The following UBE2N variants were observed in gnomAD, a reference collection of about 807,000 sequenced individuals.
The protein encoded by UBE2N is ubiquitin conjugating enzyme E2 N, also known as ubiquitin-conjugating enzyme E2 N.
For missense variants in UBE2N, 60 were observed against 192.1 expected, an observed-to-expected ratio of 0.31 and a Z score of 4.07; for synonymous variants, 70 against 69.2, an observed-to-expected ratio of 1.01 and a Z score of -0.06.
In UBE2N at chr12:93,430,598, A is replaced by C. The variant is rs183960360; in HGVS notation, c.30+11257T>G. On this transcript the variant is annotated intron_variant, in intron 1 of 3. Transcript: ENST00000318066. Reference sequence around the variant, plus strand: ...GAAAGCCTCTAATTAAATTACAATAAAGAGACTTCTGATTAAAAAAAACCA... The same window carrying C: ...GAAAGCCTCTAATTAAATTACAATACAGAGACTTCTGATTAAAAAAAACCA... Among the ~76,000 whole-genome samples the C allele has an allele frequency of 3.2e-3, 491 of 151,736 alleles. 5 individuals carry two copies. The highest frequency in any genetic ancestry group is 0.011 in the African/African-American group (440 of 41,338).
intron 1 of UBE2N, among the ~76,000 whole-genome samples, chr12:93,417,844 A>C: frequency 6.6e-6 from 1 of 152,176 alleles, no homozygotes; most frequent in African/African-American, 2.4e-5. Flanking sequence ...AAAAATTTAA[A>C]TAAAGAAAAA....
chr12:93,421,313 T>C (rs540854090), intron 1 of UBE2N, among the ~76,000 whole-genome samples: 5 of 152,112 alleles, frequency 3.3e-5, no homozygotes, highest in Non-Finnish European at 5.9e-5. Flanking sequence ...ACCATTCTCC[T>C]GCCTCAGCCT....
chr12:93,413,015 T>TG (rs1878074814), intron 1 of UBE2N, among the ~76,000 whole-genome samples: 1 of 152,258 alleles, frequency 6.6e-6, no homozygotes, highest in African/African-American at 2.4e-5. Flanking sequence ...GGAAAGTCTT[T>TG]GAAGAGGAAC....
intron 1 of UBE2N, among the ~76,000 whole-genome samples, chr12:93,436,415 T>C (rs1878935409): frequency 6.6e-6 from 1 of 152,210 alleles, no homozygotes; most frequent in African/African-American, 2.4e-5. Context: ...TCATGATTAA[T>C]TCTGAAAAGA....
chr12:93,416,691 C>A (rs1682133904), intron 1 of UBE2N, among the ~76,000 whole-genome samples: 1 of 151,922 alleles, frequency 6.6e-6, no homozygotes. Context: ...AGGCACCACG[C>A]CCGGCCTTAT....
intron 1 of UBE2N, among the ~76,000 whole-genome samples, chr12:93,433,091 C>T (rs1428145712): frequency 2.0e-5 from 3 of 152,024 alleles, no homozygotes; most frequent in East Asian, 3.9e-4. Context: ...CACCACCACG[C>T]CCAGCTAATT....
At chr12:93,427,274 C>T (rs1878624555) in intron 1 of UBE2N, among the ~76,000 whole-genome samples, 1 of 152,226 alleles carries the variant, frequency 6.6e-6, no homozygotes. Flanking sequence ...TTGGAAATCC[C>T]TGTTCTAAAG....
chr12:93,422,528 G>A (rs1878448109), intron 1 of UBE2N, among the ~76,000 whole-genome samples: 1 of 152,102 alleles, frequency 6.6e-6, no homozygotes, highest in Admixed American at 6.5e-5. Context: ...TTTAGGTTCT[G>A]GGAGTGGGTA....
At chr12:93,416,333 T>C (rs933238049) in intron 1 of UBE2N, among the ~76,000 whole-genome samples, 2 of 152,158 alleles carry the variant, frequency 1.3e-5, no homozygotes, top group African/African-American at 2.4e-5. Context: ...ATTCAACACA[T>C]GACTAACTAA....
intron 1 of UBE2N, among the ~76,000 whole-genome samples, chr12:93,412,735 G>A (rs1321675793): frequency 1.3e-5 from 2 of 152,164 alleles, no homozygotes; most frequent in Non-Finnish European, 2.9e-5. Flanking sequence ...AAGGTAGAGG[G>A]GAACAAAGGA....
Position 93,407,977 on chromosome 12 carries a change from AT to A in UBE2N, c.*2061del, listed in dbSNP as rs1345198378. The A allele has an allele frequency of 6.6e-6, 1 of 152,240 alleles. No individual in the cohort carries two copies. The highest frequency in any genetic ancestry group is 6.5e-5 in the Admixed American group (1 of 15,286). The allele number at this position is 152,240 out of a possible 1,614,324, so 9.4% of individuals were successfully genotyped here. A position where few individuals can be genotyped will look rare whatever the true frequency, so the allele number is the denominator to read the frequency against. The stretch of plus-strand genomic sequence containing the variant: ...ACTGCATTTGAAATGAAAATGACTT[AT>A]TTCTGTACTTCTATAACTCACAAAT... On this transcript the variant is annotated 3_prime_UTR_variant, in exon 4 of 4. Coordinates refer to ENST00000318066, the MANE Select transcript of UBE2N (RefSeq NM_003348.4).
At chr12:93,426,193 T>A (rs113150721) in intron 1 of UBE2N, among the ~76,000 whole-genome samples, 2 of 152,072 alleles carry the variant, frequency 1.3e-5, no homozygotes, top group East Asian at 3.9e-4. Context: ...GTAACTGAAA[T>A]AAGCACAAAC....
At chr12:93,429,076 C>G (rs1878675445) in intron 1 of UBE2N, among the ~76,000 whole-genome samples, 1 of 151,964 alleles carries the variant, frequency 6.6e-6, no homozygotes, top group Non-Finnish European at 1.5e-5. Context: ...TCAAGATCAG[C>G]CTGACCAACA....
chr12:93,439,114 A>G (rs1389671687), intron 1 of UBE2N, among the ~76,000 whole-genome samples: 2 of 152,264 alleles, frequency 1.3e-5, no homozygotes, highest in Non-Finnish European at 2.9e-5. Context: ...ATGCAAATCA[A>G]GCCACCTTAT....
At chr12:93,431,013 G>C (rs1294895974) in intron 1 of UBE2N, among the ~76,000 whole-genome samples, 4 of 151,328 alleles carry the variant, frequency 2.6e-5, no homozygotes, top group South Asian at 4.2e-4. Context: ...CGAATCACAA[G>C]GTCAGGAGTT....
Position 93,410,720 on chromosome 12 carries a change from T to C in UBE2N, c.418+14A>G. The C allele has an allele frequency of 6.2e-7, 1 of 1,613,820 alleles. No homozygotes were observed. Among genetic ancestry groups the C allele is most frequent in the Non-Finnish European group, 8.5e-7 (1 of 1,179,754 alleles). On this transcript the variant is annotated intron_variant, in intron 3 of 3. Coordinates refer to ENST00000318066, the MANE Select transcript of UBE2N (RefSeq NM_003348.4). Reference sequence around the variant, plus strand: ...AAAGTGGAAGTGGTGTGAAGGAGAATGAATATTAGATACCTGTTTCTATGG... The same window carrying C: ...AAAGTGGAAGTGGTGTGAAGGAGAACGAATATTAGATACCTGTTTCTATGG...
intron 1 of UBE2N, among the ~76,000 whole-genome samples, chr12:93,416,530 C>G (rs1174930829): frequency 1.3e-5 from 2 of 151,836 alleles, no homozygotes; most frequent in Non-Finnish European, 2.9e-5. Context: ...TCACTGCAAC[C>G]TCTGCCTCCT....
At chr12:93,426,291 T>C (rs1196247585) in intron 1 of UBE2N, among the ~76,000 whole-genome samples, 9 of 149,406 alleles carry the variant, frequency 6.0e-5, no homozygotes. Context: ...ACAGCTTGAG[T>C]CTCCGAAAGA....
chr12:93,412,347 G>C (rs1878053735), intron 1 of UBE2N, among the ~76,000 whole-genome samples: 1 of 152,054 alleles, frequency 6.6e-6, no homozygotes, highest in Non-Finnish European at 1.5e-5. Flanking sequence ...GTAGCATTTG[G>C]ACATTTCCCT....
Sources: gnomAD v4.1 joint callset for allele counts (sites outside exome capture counted in the v4.1 genomes callset) on GRCh38, gnomAD v4.1.1 for gene constraint, MANE v1.5 for transcripts, NCBI Gene and HGNC (gene_info 2026-07-23, HGNC 2026-07-21) for gene names.